Variants in PCYT1A observed in about 807,000 individuals in gnomAD.
PCYT1A encodes the protein choline-phosphate cytidylyltransferase A.
A neutral mutation model predicts 43.7 loss-of-function variants in PCYT1A; 25 were observed. The observed-to-expected ratio is 0.57, with a 90% CI of 0.42 to 0.80. PCYT1A has a LOEUF of 0.80. Among genes scored for constraint, PCYT1A ranks in the 30% least tolerant of loss-of-function variants. The pLI, the probability that PCYT1A is intolerant of heterozygous loss-of-function variation, is 0.00. For synonymous variants in PCYT1A, 172 were observed against 170.7 expected, an observed-to-expected ratio of 1.01 and a Z score of -0.06; for missense variants, 421 against 474.2, an observed-to-expected ratio of 0.89 and a Z score of 1.04.
chr3:196,262,413 C>T (rs558613509), intron 2 of PCYT1A, among the ~76,000 whole-genome samples: 1 of 152,190 alleles, frequency 6.6e-6, no homozygotes, highest in African/African-American at 2.4e-5. Context: ...AGTAGGCACT[C>T]GACGAATTTG....
At chr3:196,239,967 A>G (rs1164120287) in intron 7 of PCYT1A, 1 of 518,870 alleles carries the variant, frequency 1.9e-6, no homozygotes, top group Non-Finnish European at 3.4e-6. Context: ...AACTAAAAAT[A>G]TAGGCTATAC....
Position 196,247,663 on chromosome 3 carries a change from C to T in PCYT1A, c.335-145G>A. Reference sequence around the variant, plus strand: ...AAAAGTCTTCTAAAGGTGGTTGAACCTGGGTGATAACGCTTTTCCTAATGC... The same window carrying T: ...AAAAGTCTTCTAAAGGTGGTTGAACTTGGGTGATAACGCTTTTCCTAATGC... On this transcript the variant is annotated intron_variant, in intron 4 of 8. Coordinates refer to ENST00000431016, the MANE Select transcript of PCYT1A (RefSeq NM_001312673.2). The surrounding 1 kb of genome is among the most constrained non-coding windows in gnomAD (Gnocchi z 4.8). 1 of 771,764 alleles carries T rather than the reference C, an allele frequency of 1.3e-6. No homozygotes were observed. Among genetic ancestry groups the T allele is most frequent in the South Asian group, 1.4e-5 (1 of 69,142 alleles). 47.8% of individuals were successfully genotyped at this position (771,764 alleles called of 1,614,324 possible). A position where few individuals can be genotyped will look rare whatever the true frequency, so the allele number is the denominator to read the frequency against.
Position 196,257,839 on chromosome 3 carries a change from T to TA in PCYT1A, c.165dup (p.Ser56Ter). On this transcript the variant is annotated frameshift_variant, in exon 3 of 9. Transcript: ENST00000431016. LOFTEE classifies it high-confidence loss of function. ...ATAGTTACCCTGACATAGGGCTTACTAAAGTCAACTTCAATTTCATCAGAA... is the reference window on the plus strand; with the variant it reads ...ATAGTTACCCTGACATAGGGCTTACTAAAAGTCAACTTCAATTTCATCAGAA... 1 of 1,613,496 alleles carries TA rather than the reference T, an allele frequency of 6.2e-7. No homozygotes were observed. Among genetic ancestry groups the TA allele is most frequent in the African/African-American group, 1.3e-5 (1 of 74,952 alleles).
chr3:196,250,380 T>G (rs1446188103), intron 3 of PCYT1A, among the ~76,000 whole-genome samples: 1 of 149,704 alleles, frequency 6.7e-6, no homozygotes, highest in Non-Finnish European at 1.5e-5. Context: ...TACACTATGC[T>G]GAGGCTGAGG....
At position 196,278,594 on chromosome 3, in the gene PCYT1A, G is replaced by C. The variant is rs76682756; in HGVS notation, c.-10-8053C>G. Among the ~76,000 whole-genome samples, 767 of 152,244 alleles carry C rather than the reference G, an allele frequency of 5.0e-3. 8 individuals carry two copies. Among genetic ancestry groups the C allele is most frequent in the African/African-American group, 0.017 (719 of 41,534 alleles). Reference sequence around the variant, plus strand: ...ACAGGAAGAAAAGTATTTGGAGATAGAATAGAGAACCTCCCTCAAGAGCCC... The same window carrying C: ...ACAGGAAGAAAAGTATTTGGAGATACAATAGAGAACCTCCCTCAAGAGCCC... On this transcript the variant is annotated intron_variant, in intron 1 of 8. Transcript: ENST00000431016.
chr3:196,240,444 G>A (rs6795511), intron 7 of PCYT1A, among the ~76,000 whole-genome samples: 25,254 of 152,076 alleles, frequency 0.17, 2,300 homozygotes, highest in Middle Eastern at 0.24. Context: ...CAGCACTTTG[G>A]GAAGCCGAAG....
At chr3:196,270,209 C>A (rs1725390477) in intron 2 of PCYT1A, among the ~76,000 whole-genome samples, 1 of 152,196 alleles carries the variant, frequency 6.6e-6, no homozygotes, top group African/African-American at 2.4e-5. Context: ...TCCATATTTT[C>A]CTAACACTTC....
In PCYT1A at chr3:196,247,433, G is replaced by A; in HGVS notation, c.420C>T (p.Arg140=). The A allele has an allele frequency of 1.2e-6, 2 of 1,614,222 alleles. No individual in the cohort carries two copies. The highest frequency in any genetic ancestry group is 1.7e-6 in the Non-Finnish European group (2 of 1,180,030). Residue 140 remains arginine (R), a synonymous_variant, in exon 5 of 9, where the codon CGC becomes CGT. Transcript: ENST00000431016. This position sits in a 1 kb window ranked among gnomAD's most constrained non-coding sequence, Gnocchi z 4.8. Reference sequence around the variant, plus strand: ...CATTCCTCACCACCTCATCCACGTAGCGGCAGTGCTGGACTGCGTCATAGC... The same window carrying A: ...CATTCCTCACCACCTCATCCACGTAACGGCAGTGCTGGACTGCGTCATAGC... ...NERYDAVQHC[R]YVDEVVRNAP...
chr3:196,244,102 C>T (rs1253353067), intron 5 of PCYT1A, among the ~76,000 whole-genome samples: 1 of 148,932 alleles, frequency 6.7e-6, no homozygotes, highest in Non-Finnish European at 1.5e-5. Flanking sequence ...GCCTCTGCCC[C>T]GCCGCCCCAT....
chr3:196,239,512 G>C (rs1047697912), intron 8 of PCYT1A, 35 bp downstream of exon 8: 1 of 1,372,026 alleles, frequency 7.3e-7, no homozygotes, highest in Non-Finnish European at 1.0e-6. Flanking sequence ...CCACAACATG[G>C]AACTCCCTAC....
chr3:196,275,516 C>T (rs1385598406), intron 1 of PCYT1A, among the ~76,000 whole-genome samples: 2 of 151,984 alleles, frequency 1.3e-5, no homozygotes, highest in Non-Finnish European at 2.9e-5. Flanking sequence ...GGGTGGATCA[C>T]GAGGTCAAGA....
chr3:196,246,527 C>T (rs1724575386), intron 5 of PCYT1A, among the ~76,000 whole-genome samples: 1 of 152,106 alleles, frequency 6.6e-6, no homozygotes, highest in East Asian at 1.9e-4. Flanking sequence ...TGAGCCACTG[C>T]ACCTGGCTGA....
Position 196,273,372 on chromosome 3 carries a change from C to T in PCYT1A, c.-10-2831G>A. ...ACGTGTTTCGGCTCTGTTTGTGTTT[C>T]AGCTCTTTCAGTCCCACCATTTGGC... On this transcript the variant is annotated intron_variant, in intron 1 of 8. Transcript: ENST00000431016. This position sits in a 1 kb window ranked among gnomAD's most constrained non-coding sequence, Gnocchi z 4.1. Among the ~76,000 whole-genome samples the T allele has an allele frequency of 6.6e-6, 1 of 152,326 alleles. No homozygotes were observed. Among genetic ancestry groups the T allele is most frequent in the Middle Eastern group, 3.4e-3 (1 of 294 alleles).
chr3:196,271,141 C>A (rs1725419385), intron 1 of PCYT1A, among the ~76,000 whole-genome samples: 1 of 152,068 alleles, frequency 6.6e-6, no homozygotes, highest in Non-Finnish European at 1.5e-5. Flanking sequence ...CCTCTTGCCC[C>A]AGCCTCCCAA....
At chr3:196,244,657 A>C (rs1195157518) in intron 5 of PCYT1A, among the ~76,000 whole-genome samples, 1 of 152,148 alleles carries the variant, frequency 6.6e-6, no homozygotes, top group African/African-American at 2.4e-5. Context: ...GAAAAGGGGG[A>C]AATGTGGGGA....
At position 196,275,760 on chromosome 3, in the gene PCYT1A, G is replaced by A. The variant is rs1725569523; in HGVS notation, c.-10-5219C>T. ...AAAAAAGAAAAAAAAAAAGAATGGA[G>A]AAATAAGCTTTAGTGATCTATTGCA... On this transcript the variant is annotated intron_variant, in intron 1 of 8. Coordinates refer to ENST00000431016, the MANE Select transcript of PCYT1A (RefSeq NM_001312673.2). Among the ~76,000 whole-genome samples, 3 of 149,808 alleles carry A rather than the reference G, an allele frequency of 2.0e-5. No individual in the cohort carries two copies. In the South Asian group the frequency reaches 6.3e-4, roughly 32 times the overall value.
chr3:196,241,433 C>T lies in PCYT1A; in HGVS notation c.708+515G>A, dbSNP rs1040001220. On this transcript the variant is annotated intron_variant, in intron 7 of 8. Coordinates refer to ENST00000431016, the MANE Select transcript of PCYT1A (RefSeq NM_001312673.2). ...AAACTCCTGGCCTCAAGCAGTCCTC[C>T]CGCCTCAGCCTCCCAAAGTACAGGC... is the stretch of plus-strand genomic sequence containing the variant. 2.8e-6 allele frequency: 3 copies of T among 1,062,854 alleles called. No homozygotes were observed. The Admixed American group carries it at 7.1e-5, about 25-fold the overall frequency. The allele number at this position is 1,062,854 out of a possible 1,614,324, so 65.8% of individuals were successfully genotyped here. A position where few individuals can be genotyped will look rare whatever the true frequency, so the allele number is the denominator to read the frequency against.
intron 5 of PCYT1A, among the ~76,000 whole-genome samples, chr3:196,244,261 C>T (rs1283078760): frequency 6.7e-6 from 1 of 148,770 alleles, no homozygotes; most frequent in Non-Finnish European, 1.5e-5. Flanking sequence ...CTCTGCCTGG[C>T]CGCCCATCGT....
In PCYT1A at chr3:196,268,374, G is replaced by A. The variant is rs988770615; in HGVS notation, c.117+2041C>T. 2.0e-5 allele frequency among the ~76,000 whole-genome samples: 3 copies of A among 152,130 alleles called. No homozygotes were observed. The highest frequency in any genetic ancestry group is 4.4e-5 in the Non-Finnish European group (3 of 68,014). On this transcript the variant is annotated intron_variant, in intron 2 of 8. Coordinates refer to ENST00000431016, the MANE Select transcript of PCYT1A (RefSeq NM_001312673.2). The surrounding 1 kb of genome is among the most constrained non-coding windows in gnomAD (Gnocchi z 4.4). ...TCAGAAACTAACAATGCCCTGTTTT[G>A]TTGATTGCTGAGTCACTTTCTGAGC... is the stretch of plus-strand genomic sequence containing the variant.
Sources: gnomAD v4.1 joint callset for allele counts (sites outside exome capture counted in the v4.1 genomes callset) on GRCh38, gnomAD v4.1.1 for gene constraint, Gnocchi (gnomAD v3.1) non-coding constraint, MANE v1.5 for transcripts, NCBI Gene and HGNC (gene_info 2026-07-23, HGNC 2026-07-21) for gene names.